The following SI variants were observed in gnomAD, a reference collection of about 807,000 sequenced individuals.
SI encodes the protein sucrase-isomaltase.
SI carries 235 observed loss-of-function variants against 253.3 expected under a neutral mutation model. That is an observed-to-expected ratio of 0.93 (90% CI 0.83 to 1.03). The LOEUF (loss-of-function observed/expected upper bound fraction) is 1.03. Among genes scored for constraint, SI ranks in the 50% least tolerant of loss-of-function variants. The pLI is 0.00. For synonymous variants in SI, 819 were observed against 712.0 expected (o/e 1.15, Z -2.39); for missense variants, 2,442 against 2,211.1 (o/e 1.10, Z -2.09).
Position 165,017,756 on chromosome 3 carries a change from C to G in SI, c.3633+5G>C. 1 of 1,607,302 alleles carries G rather than the reference C, an allele frequency of 6.2e-7. No individual in the cohort carries two copies. Among genetic ancestry groups the G allele is most frequent in the African/African-American group, 1.3e-5 (1 of 74,740 alleles). ...AATTTTTTTAAAAGAAATATGCAAT[C>G]ATACTTCATGGTATTGCTTTGTTGC... On this transcript the variant is annotated splice_donor_5th_base_variant and intron_variant, in intron 30 of 47. Transcript: ENST00000264382.
In SI at chr3:164,991,490, G is replaced by A. The variant is rs765477679; in HGVS notation, c.4984-13C>T. The A allele has an allele frequency of 5.0e-6, 8 of 1,613,240 alleles. No homozygotes were observed. The highest frequency in any genetic ancestry group is 6.8e-6 in the Non-Finnish European group (8 of 1,179,468). ...CAATATCTTTGCCCTGGAAATGAAAGGGATGGAAAGAACAGGTGGAGCAAG... is the reference window on the plus strand; with the variant it reads ...CAATATCTTTGCCCTGGAAATGAAAAGGATGGAAAGAACAGGTGGAGCAAG... On this transcript the variant is annotated splice_polypyrimidine_tract_variant and intron_variant, in intron 43 of 47. Transcript: ENST00000264382.
intron 3 of SI, chr3:165,074,299 T>A (rs1714796852): frequency 4.2e-6 from 1 of 238,856 alleles, no homozygotes; most frequent in South Asian, 1.2e-4. Flanking sequence ...CTATAACTTG[T>A]TAAATATGGA....
chr3:165,068,945 A>G, intron 4 of SI, 114 bp from the exon 5 acceptor site: 1 of 986,552 alleles, frequency 1.0e-6, no homozygotes. Context: ...AATTTGTTAC[A>G]ATCATGCAAA....
intron 5 of SI, 122 bp from the exon 6 acceptor site, chr3:165,067,613 G>T (rs113814659): frequency 3.6e-6 from 3 of 842,132 alleles, no homozygotes; most frequent in South Asian, 1.5e-5. Context: ...TCATAGAAGA[G>T]TATTAATTCA....
intron 8 of SI, among the ~76,000 whole-genome samples, chr3:165,062,771 T>G (rs1714049308): frequency 6.6e-6 from 1 of 152,080 alleles, no homozygotes; most frequent in South Asian, 2.1e-4. Flanking sequence ...ATTAGTTCTC[T>G]GGCGACCAAA....
chr3:165,015,858 C>T, intron 32 of SI, 94 bp downstream of exon 32: 6 of 1,108,688 alleles, frequency 5.4e-6, no homozygotes, highest in Admixed American at 1.7e-5. Flanking sequence ...AAGTTATATA[C>T]TTTCTATTTT....
chr3:165,086,796 G>A, the SI span, among the ~76,000 whole-genome samples: 59 of 152,296 alleles, frequency 3.9e-4, no homozygotes, highest in Middle Eastern at 0.01. Context: ...TGAGTAAGGA[G>A]TATGCCACTG....
chr3:164,996,309 T>C (rs16848837), intron 40 of SI, among the ~76,000 whole-genome samples: 18,757 of 151,680 alleles, frequency 0.12, 1,251 homozygotes, highest in South Asian at 0.17. Flanking sequence ...CATCATGAAA[T>C]TTAGTGCTTA....
chr3:164,988,643 A>G (rs6776765), intron 44 of SI, among the ~76,000 whole-genome samples: 37,508 of 152,124 alleles, frequency 0.25, 7,923 homozygotes, highest in African/African-American at 0.58. Flanking sequence ...TCATGCCAAC[A>G]GGGGCTGTCA....
In SI at chr3:165,059,373, T is replaced by C. The variant is rs1361189706; in HGVS notation, c.1147-74A>G. The C allele has an allele frequency of 5.8e-6, 8 of 1,384,200 alleles. No homozygotes were observed. In the East Asian group the frequency reaches 6.9e-5, roughly 12 times the overall value. The allele number at this position is 1,384,200 out of a possible 1,614,324, so 85.7% of individuals were successfully genotyped here. The stretch of plus-strand genomic sequence containing the variant: ...CTAATCAAGTCAATCTTTAACTCCA[T>C]TGAACGTGTATTATAAACATAACCC... On this transcript the variant is annotated intron_variant, in intron 10 of 47. Coordinates refer to ENST00000264382, the MANE Select transcript of SI (RefSeq NM_001041.4).
rs1298467427 is a variant in SI, at chr3:164,982,412, T to G, written c.5248-2A>C. Reference sequence around the variant, plus strand: ...CAATATAGTGCTTGTTAAGGTGGTCTATAAATAAAGAAAAAGGAATAACAT... The same window carrying G: ...CAATATAGTGCTTGTTAAGGTGGTCGATAAATAAAGAAAAAGGAATAACAT... On this transcript the variant is annotated splice_acceptor_variant, in intron 46 of 47. Transcript: ENST00000264382. LOFTEE classifies it high-confidence loss of function. The G allele has an allele frequency of 3.7e-6, 6 of 1,603,956 alleles. No homozygotes were observed. The highest frequency in any genetic ancestry group is 1.7e-5 in the Admixed American group (1 of 59,772).
chr3:165,064,137 G>C (rs1011403835), intron 7 of SI, among the ~76,000 whole-genome samples: 16 of 151,602 alleles, frequency 1.1e-4, no homozygotes, highest in Non-Finnish European at 7.4e-5. Context: ...TAAGGTAATG[G>C]CATGTTTATC....
intron 14 of SI, 102 bp from the exon 15 acceptor site, chr3:165,049,346 A>G: frequency 1.3e-6 from 1 of 772,994 alleles, no homozygotes; most frequent in Non-Finnish European, 2.2e-6. Flanking sequence ...GTGTTATGAA[A>G]TTCCATATTT....
intron 18 of SI, 44 bp downstream of exon 18, chr3:165,040,896 A>C (rs1712786033): frequency 6.7e-7 from 1 of 1,491,924 alleles, no homozygotes; most frequent in Non-Finnish European, 9.3e-7. Flanking sequence ...ATGTTTGAAC[A>C]TACTTTAAAA....
intron 4 of SI, 120 bp from the exon 5 acceptor site, chr3:165,068,951 G>T: frequency 1.0e-6 from 1 of 987,730 alleles, no homozygotes; most frequent in Non-Finnish European, 1.6e-6. Flanking sequence ...TTACAATCAT[G>T]CAAAAATAAG....
At position 165,063,940 on chromosome 3, in the gene SI, C is replaced by T. The variant is rs376066665; in HGVS notation, c.808-399G>A. Among the ~76,000 whole-genome samples, 71 of 150,922 alleles carry T rather than the reference C, an allele frequency of 4.7e-4. 1 individual carries two copies. The highest frequency in any genetic ancestry group is 7.9e-4 in the Admixed American group (12 of 15,116). On this transcript the variant is annotated intron_variant, in intron 7 of 47. Transcript: ENST00000264382. ...AAAAAATTAGCTGGGGGTGGTGACA[C>T]GCACCTGTAATCCCAGCTACTCAGG... is the stretch of plus-strand genomic sequence containing the variant.
At position 165,063,460 on chromosome 3, in the gene SI, T is replaced by A; in HGVS notation, c.889A>T (p.Met297Leu). The A allele has an allele frequency of 6.6e-7, 1 of 1,510,656 alleles. No individual in the cohort carries two copies. The highest frequency in any genetic ancestry group is 1.1e-5 in the South Asian group (1 of 87,950). 93.6% of individuals were successfully genotyped at this position (1,510,656 alleles called of 1,614,324 possible). The change falls in exon 8 of 48, where the codon ATG becomes TTG. Residue 297 changes from methionine to leucine, a missense_variant. By Grantham distance (15) the Met-to-Leu change is conservative. Coordinates refer to ENST00000264382, the MANE Select transcript of SI (RefSeq NM_001041.4). The stretch of plus-strand genomic sequence containing the variant: ...TTCTTACCCATTGCATTGCTATTCA[T>A]TAAAAAAACACCGAATGACTTTCCA... ...TSGKSFGVFLMNSNAMEIFIQ... is the reference protein window; with the variant it reads ...TSGKSFGVFLLNSNAMEIFIQ...
intron 44 of SI, among the ~76,000 whole-genome samples, chr3:164,990,688 A>G (rs1017824716): frequency 6.6e-6 from 1 of 152,158 alleles, no homozygotes; most frequent in African/African-American, 2.4e-5. Context: ...ATAGGTGGGA[A>G]TTGAACAATG....
At chr3:165,078,161 A>G (rs1263508300) in intron 1 of SI, among the ~76,000 whole-genome samples, 1 of 151,428 alleles carries the variant, frequency 6.6e-6, no homozygotes, top group Non-Finnish European at 1.5e-5. Context: ...ATATAGAGTC[A>G]TTAAACAAAA....
Sources: gnomAD v4.1 joint callset for allele counts (sites outside exome capture counted in the v4.1 genomes callset) on GRCh38, gnomAD v4.1.1 for gene constraint, MANE v1.5 for transcripts, NCBI Gene and HGNC (gene_info 2026-07-23, HGNC 2026-07-21) for gene names.